CYP4F22: variants seen among roughly 807,000 people sequenced by gnomAD.
CYP4F22 encodes ultra-long-chain fatty acid omega-hydroxylase.
In CYP4F22, 37 loss-of-function variants were observed where a neutral mutation model predicts 60.4. That is an observed-to-expected ratio of 0.61 (90% CI 0.47 to 0.81). CYP4F22 has a LOEUF of 0.81. Among genes scored for constraint, CYP4F22 ranks in the 30% least tolerant of loss-of-function variants. The probability of loss-of-function intolerance (pLI) is 0.00; values close to 1 mark genes in which losing one functional copy is unlikely to be tolerated. For synonymous variants in CYP4F22, 258 were observed against 280.5 expected, an observed-to-expected ratio of 0.92 and a Z score of 0.80; for missense variants, 655 against 715.0, an observed-to-expected ratio of 0.92 and a Z score of 0.96.
rs950414741 is a variant in CYP4F22, at chr19:15,529,231, C to T, written c.223-478C>T. 6.6e-5 allele frequency among the ~76,000 whole-genome samples: 10 copies of T among 151,620 alleles called. No individual in the cohort carries two copies. In the South Asian group the frequency reaches 8.3e-4, roughly 13 times the overall value. ...GCAACCTCTGCCTCCTGGGTTCAAG[C>T]GATTCTCCTGTCTCAGTCTCCTGAG... On this transcript the variant is annotated intron_variant, in intron 3 of 13. Coordinates refer to ENST00000269703, the MANE Select transcript of CYP4F22 (RefSeq NM_173483.4).
rs1464100059 is a variant in CYP4F22 at position 15,513,371 on chromosome 19, T to A, written c.-109+4788T>A. On this transcript the variant is annotated intron_variant, in intron 1 of 13. Coordinates refer to ENST00000269703, the MANE Select transcript of CYP4F22 (RefSeq NM_173483.4). ...TTTGTATATATATATATTTTTTTTT[T>A]TTTTTTTTTTTGAGACAGAGTCTCA... Among the ~76,000 whole-genome samples, 452 of 141,466 alleles carry A rather than the reference T, an allele frequency of 3.2e-3. 5 individuals carry two copies. The highest frequency in any genetic ancestry group is 4.1e-3 in the African/African-American group (159 of 38,484). 92.8% of individuals were successfully genotyped at this position (141,466 alleles called of 152,430 possible).
chr19:15,540,996 G>C (rs1296172470), intron 8 of CYP4F22, among the ~76,000 whole-genome samples: 1 of 152,190 alleles, frequency 6.6e-6, no homozygotes, highest in East Asian at 1.9e-4. Flanking sequence ...CAGGAGTCTG[G>C]CTTGAGCCCA....
chr19:15,543,383 G>T (rs996432846), intron 8 of CYP4F22, among the ~76,000 whole-genome samples: 2 of 151,970 alleles, frequency 1.3e-5, no homozygotes, highest in African/African-American at 2.4e-5. Context: ...GTAGAAATGG[G>T]GTCTTACCAT....
At chr19:15,510,518 A>G (rs551973310) in intron 1 of CYP4F22, among the ~76,000 whole-genome samples, 46 of 152,306 alleles carry the variant, frequency 3.0e-4, no homozygotes, top group African/African-American at 1.1e-3. Flanking sequence ...CACAGCAAAG[A>G]GGCAGACCTT....
At chr19:15,534,820 A>C (rs1971378902) in intron 4 of CYP4F22, among the ~76,000 whole-genome samples, 1 of 152,130 alleles carries the variant, frequency 6.6e-6, no homozygotes, top group Non-Finnish European at 1.5e-5. Context: ...TTGCCAGAGA[A>C]GGAGTCCCAG....
At chr19:15,543,927 G>A (rs1294749662) in intron 8 of CYP4F22, 44 bp from the exon 9 acceptor site, 1 of 1,610,368 alleles carries the variant, frequency 6.2e-7, no homozygotes, top group African/African-American at 1.3e-5. Flanking sequence ...AGGATGCGGA[G>A]GGTGGGATGA....
intron 4 of CYP4F22, among the ~76,000 whole-genome samples, chr19:15,533,367 C>A (rs1971363038): frequency 2.0e-5 from 3 of 151,492 alleles, no homozygotes; most frequent in Admixed American, 2.0e-4. Context: ...TTTTTAGTCA[C>A]CTCATAAAAA....
At chr19:15,515,966 G>T (rs1241888835) in intron 1 of CYP4F22, 1 of 151,988 alleles carries the variant, frequency 6.6e-6, no homozygotes, top group African/African-American at 2.4e-5. Context: ...CTCGTGATCT[G>T]CCCGCCTCAG....
At chr19:15,513,796 C>A (rs1971123228) in intron 1 of CYP4F22, among the ~76,000 whole-genome samples, 1 of 152,140 alleles carries the variant, frequency 6.6e-6, no homozygotes, top group Admixed American at 6.5e-5. Flanking sequence ...AGCCACCGCA[C>A]CCGGCCCAGT....
intron 1 of CYP4F22, among the ~76,000 whole-genome samples, chr19:15,519,869 AG>A (rs1971200818): frequency 6.6e-6 from 1 of 152,126 alleles, no homozygotes. Context: ...GCAGACGAAA[AG>A]GTCACACTGG....
intron 4 of CYP4F22, among the ~76,000 whole-genome samples, chr19:15,535,388 G>A (rs900799767): frequency 6.6e-6 from 1 of 152,214 alleles, no homozygotes; most frequent in Non-Finnish European, 1.5e-5. Flanking sequence ...GGGATGAGTG[G>A]GCGGATGATT....
intron 4 of CYP4F22, among the ~76,000 whole-genome samples, chr19:15,534,710 C>A (rs115088628): frequency 1.7e-3 from 265 of 152,124 alleles, no homozygotes; most frequent in African/African-American, 6.0e-3. Flanking sequence ...GAAAAGGAAC[C>A]TGAGGATGAG....
At chr19:15,542,544 T>G (rs943089661) in intron 8 of CYP4F22, among the ~76,000 whole-genome samples, 2 of 152,022 alleles carry the variant, frequency 1.3e-5, no homozygotes, top group Non-Finnish European at 2.9e-5. Context: ...CTCAAAAAAT[T>G]TTTTTTTAAA....
At chr19:15,526,994 C>A (rs902263515) in intron 3 of CYP4F22, among the ~76,000 whole-genome samples, 1 of 152,096 alleles carries the variant, frequency 6.6e-6, no homozygotes, top group African/African-American at 2.4e-5. Flanking sequence ...CTCAAGTGAA[C>A]CACCGTGCTC....
At chr19:15,538,726 C>G (rs1267748460) in intron 7 of CYP4F22, among the ~76,000 whole-genome samples, 1 of 152,176 alleles carries the variant, frequency 6.6e-6, no homozygotes, top group East Asian at 1.9e-4. Context: ...GGGGCACGTT[C>G]CAGTTGGATA....
intron 1 of CYP4F22, among the ~76,000 whole-genome samples, chr19:15,509,905 CT>C (rs1350526143): frequency 0.049 from 4,136 of 85,162 alleles, 232 homozygotes; most frequent in East Asian, 0.31. Context: ...TCCTTCCTTC[CT>C]TTCTTTCTTT....
chr19:15,551,840 T>C lies in CYP4F22; in HGVS notation c.*369T>C. Reference sequence around the variant, plus strand: ...ATCCAGGTCTCCAGGCCTTGCCCACTGAGCCTTCAGAGGACCTAAGACCCA... The same window carrying C: ...ATCCAGGTCTCCAGGCCTTGCCCACCGAGCCTTCAGAGGACCTAAGACCCA... On this transcript the variant is annotated 3_prime_UTR_variant, in exon 14 of 14. Coordinates refer to ENST00000269703, the MANE Select transcript of CYP4F22 (RefSeq NM_173483.4). 3.1e-6 allele frequency: 1 copy of C among 321,400 alleles called. No individual in the cohort carries two copies. Among genetic ancestry groups the C allele is most frequent in the South Asian group, 3.6e-5 (1 of 27,552 alleles). The allele number at this position is 321,400 out of a possible 1,614,324, so 19.9% of individuals were successfully genotyped here.
intron 8 of CYP4F22, among the ~76,000 whole-genome samples, chr19:15,541,887 A>G (rs1189239128): frequency 1.3e-5 from 2 of 152,008 alleles, no homozygotes; most frequent in Non-Finnish European, 2.9e-5. Flanking sequence ...AAAAAAAGAA[A>G]AAAAAGAAAT....
chr19:15,521,076 T>C (rs1323485992), intron 1 of CYP4F22, among the ~76,000 whole-genome samples: 1 of 152,062 alleles, frequency 6.6e-6, no homozygotes, highest in African/African-American at 2.4e-5. Context: ...TGTGATTGGC[T>C]TATTTCACTG....
Sources: gnomAD v4.1 joint callset for allele counts (sites outside exome capture counted in the v4.1 genomes callset) on GRCh38, gnomAD v4.1.1 for gene constraint, MANE v1.5 for transcripts, NCBI Gene and HGNC (gene_info 2026-07-23, HGNC 2026-07-21) for gene names.